Variants in LRP1B observed in about 807,000 individuals in gnomAD.
The protein encoded by LRP1B is low-density lipoprotein receptor-related protein 1B.
A neutral mutation model predicts 556.6 loss-of-function variants in LRP1B; 217 were observed. The ratio of observed to expected loss-of-function variants is 0.39; its 90% CI spans 0.35 to 0.44. The LOEUF is 0.44. LRP1B is among the 20% of genes least tolerant of loss of function. The pLI is 1.00. For missense variants in LRP1B, 5,053 were observed against 5,620.8 expected (o/e 0.90, Z 3.23); for synonymous variants, 2,047 against 1,865.8 (o/e 1.10, Z -2.50).
chr2:141,695,184 G>GT (rs1461561910), intron 2 of LRP1B, among the ~76,000 whole-genome samples: 2 of 151,754 alleles, frequency 1.3e-5, no homozygotes, highest in African/African-American at 4.8e-5. Context: ...TGTATTTACC[G>GT]TTTTTCCTGC....
At chr2:141,711,823 A>G (rs549754809) in intron 2 of LRP1B, among the ~76,000 whole-genome samples, 164 of 152,200 alleles carry the variant, frequency 1.1e-3, no homozygotes, top group Admixed American at 1.7e-3. Flanking sequence ...CACTCCATCC[A>G]CAGACACATA....
intron 1 of LRP1B, among the ~76,000 whole-genome samples, chr2:141,928,317 G>T (rs748912457): frequency 3.6e-4 from 55 of 152,032 alleles, no homozygotes; most frequent in Non-Finnish European, 6.8e-4. Flanking sequence ...ATTAATTTTT[G>T]TATTGTACAT....
intron 15 of LRP1B, among the ~76,000 whole-genome samples, chr2:141,004,575 A>T (rs530432400): frequency 6.6e-6 from 1 of 152,074 alleles, no homozygotes; most frequent in Admixed American, 6.6e-5. Flanking sequence ...ATCAGTTTTT[A>T]TAATTTATAA....
intron 2 of LRP1B, among the ~76,000 whole-genome samples, chr2:141,649,237 T>C (rs984967575): frequency 6.6e-6 from 1 of 152,134 alleles, no homozygotes; most frequent in African/African-American, 2.4e-5. Context: ...GGACAGGCTG[T>C]GAGGGAGGTT....
chr2:141,579,935 C>T (rs1043409438), intron 2 of LRP1B, among the ~76,000 whole-genome samples: 2 of 152,094 alleles, frequency 1.3e-5, no homozygotes, highest in South Asian at 2.1e-4. Flanking sequence ...CTCCTGACCT[C>T]GTAATCCACC....
At chr2:141,070,958 C>A (rs1415831620) in intron 7 of LRP1B, among the ~76,000 whole-genome samples, 1 of 152,154 alleles carries the variant, frequency 6.6e-6, no homozygotes. Context: ...CCTTCTGAAA[C>A]TATTCCAATC....
At chr2:140,393,541 C>T (rs1366897671) in intron 66 of LRP1B, among the ~76,000 whole-genome samples, 1 of 151,806 alleles carries the variant, frequency 6.6e-6, no homozygotes, top group African/African-American at 2.4e-5. Context: ...ATTGGAAATA[C>T]AAAGTTTTGT....
At chr2:140,619,235 A>T (rs1024650441) in intron 41 of LRP1B, among the ~76,000 whole-genome samples, 2 of 152,002 alleles carry the variant, frequency 1.3e-5, no homozygotes, top group Non-Finnish European at 2.9e-5. Context: ...AAGCTCATCA[A>T]CAAGGAAATA....
chr2:141,289,062 A>T (rs1368742036), intron 3 of LRP1B, among the ~76,000 whole-genome samples: 1 of 152,182 alleles, frequency 6.6e-6, no homozygotes, highest in Non-Finnish European at 1.5e-5. Flanking sequence ...ATAAAGCAAG[A>T]TAAATAAGTA....
chr2:140,384,416 A>G (rs906446160), intron 67 of LRP1B, among the ~76,000 whole-genome samples: 2 of 152,146 alleles, frequency 1.3e-5, no homozygotes, highest in African/African-American at 4.8e-5. Context: ...TGGATCAGAG[A>G]ACTTCCATAT....
chr2:141,368,116 A>G lies in LRP1B; in HGVS notation c.343+112280T>C, dbSNP rs115438670. Among the ~76,000 whole-genome samples, 524 of 152,338 alleles carry G rather than the reference A, an allele frequency of 3.4e-3. 2 individuals are homozygous for G. Among genetic ancestry groups the G allele is most frequent in the African/African-American group, 0.012 (502 of 41,586 alleles). On this transcript the variant is annotated intron_variant, in intron 3 of 90. Transcript: ENST00000389484. ...AAAAATTCAGGTTTTTGTAACTGGT[A>G]AAATGTAAGATTAAGATGATTACCT...
intron 7 of LRP1B, among the ~76,000 whole-genome samples, chr2:141,062,713 C>T (rs574982591): frequency 1.8e-4 from 27 of 151,756 alleles, no homozygotes; most frequent in Non-Finnish European, 3.2e-4. Flanking sequence ...ATGTGGAGCT[C>T]AATGACGCTA....
At chr2:141,828,143 A>ATT (rs147809477) in intron 1 of LRP1B, among the ~76,000 whole-genome samples, 183 of 151,742 alleles carry the variant, frequency 1.2e-3, no homozygotes, top group Middle Eastern at 3.4e-3. Context: ...CATTATATGC[A>ATT]TTTTTTTTGT....
At chr2:142,113,480 A>G (rs923557050) in intron 1 of LRP1B, among the ~76,000 whole-genome samples, 1 of 94,962 alleles carries the variant, frequency 1.1e-5, no homozygotes, top group African/African-American at 3.8e-5. Flanking sequence ...TAACCTTTAC[A>G]GTTGCCACAA....
At chr2:141,145,841 T>C (rs1232183986) in intron 7 of LRP1B, among the ~76,000 whole-genome samples, 2 of 151,710 alleles carry the variant, frequency 1.3e-5, no homozygotes, top group African/African-American at 2.4e-5. Flanking sequence ...ATGGAATTGG[T>C]TCTTAGGTTC....
chr2:142,109,700 T>C lies in LRP1B; in HGVS notation c.82+20948A>G, dbSNP rs1399703587. ...CCTTTAGTTAAAGGAAGGCCAAGAT[T>C]AACATTGTACATATTTGTCTAAAAT... On this transcript the variant is annotated intron_variant, in intron 1 of 90. Coordinates refer to ENST00000389484, the MANE Select transcript of LRP1B (RefSeq NM_018557.3). Among the ~76,000 whole-genome samples, 30 of 152,182 alleles carry C rather than the reference T, an allele frequency of 2.0e-4. 1 individual carries two copies. Among genetic ancestry groups the C allele is most frequent in the Admixed American group, 2.0e-3 (30 of 15,248 alleles).
intron 37 of LRP1B, among the ~76,000 whole-genome samples, chr2:140,709,753 A>T (rs951585357): frequency 6.8e-6 from 1 of 147,482 alleles, no homozygotes; most frequent in African/African-American, 2.5e-5. Context: ...ACAGAATATT[A>T]AAGTACTGTA....
chr2:141,990,186 A>T (rs1257828999), intron 1 of LRP1B, among the ~76,000 whole-genome samples: 1 of 152,110 alleles, frequency 6.6e-6, no homozygotes, highest in Non-Finnish European at 1.5e-5. Flanking sequence ...CGTGAAACAA[A>T]TTTGCCCAGC....
intron 2 of LRP1B, among the ~76,000 whole-genome samples, chr2:141,582,730 C>T (rs1047480257): frequency 2.7e-5 from 4 of 147,034 alleles, no homozygotes; most frequent in Admixed American, 1.4e-4. Flanking sequence ...AAAGGGAATA[C>T]GAAATTTATC....
Sources: allele counts gnomAD v4.1 joint callset (sites outside exome capture counted in the v4.1 genomes callset), GRCh38; gene constraint gnomAD v4.1.1; transcripts MANE v1.5; gene names NCBI Gene and HGNC (gene_info 2026-07-23, HGNC 2026-07-21).